The following RPS6KA6 variants were observed in gnomAD, a reference collection of about 807,000 sequenced individuals.
The protein encoded by RPS6KA6 is ribosomal protein S6 kinase A6, also known as ribosomal protein S6 kinase alpha-6.
A neutral mutation model predicts 65.4 loss-of-function variants in RPS6KA6; 27 were observed. The observed-to-expected ratio is 0.41, with a 90% confidence interval of 0.30 to 0.57. RPS6KA6 has a LOEUF of 0.57. RPS6KA6 is among the 20% of genes least tolerant of loss of function. The probability of loss-of-function intolerance (pLI) is 0.24; values close to 1 mark genes in which losing one functional copy is unlikely to be tolerated. For synonymous variants in RPS6KA6, 190 were observed against 184.2 expected, an observed-to-expected ratio of 1.03 and a Z score of -0.26; for missense variants, 486 against 555.6, an observed-to-expected ratio of 0.87 and a Z score of 1.26.
chrX:84,152,044 G>GAAGA (rs913995708), intron 3 of RPS6KA6, among the ~76,000 whole-genome samples: 2 of 111,211 alleles, frequency 1.8e-5, no homozygotes, highest in Non-Finnish European at 3.8e-5. Flanking sequence ...GGCAAGCAAG[G>GAAGA]AAGAAAGAAA....
At chrX:84,136,970 T>A (rs1308604436) in intron 6 of RPS6KA6, among the ~76,000 whole-genome samples, 2 of 111,973 alleles carry the variant, frequency 1.8e-5, no homozygotes, top group African/African-American at 3.2e-5. Context: ...TTCTGCCACA[T>A]GCTGTGATGC....
intron 2 of RPS6KA6, among the ~76,000 whole-genome samples, chrX:84,158,913 C>T (rs2035461388): frequency 9.0e-6 from 1 of 111,439 alleles, no homozygotes; most frequent in African/African-American, 3.3e-5. Flanking sequence ...AAAACGTAAG[C>T]ATGTGTATTT....
intron 20 of RPS6KA6, among the ~76,000 whole-genome samples, chrX:84,070,917 A>T (rs1602371324): frequency 9.8e-6 from 1 of 101,677 alleles, no homozygotes; most frequent in South Asian, 4.3e-4. Context: ...ACAACCAATT[A>T]AAAAAAAACA....
At chrX:84,087,698 G>A (rs897620890) in intron 20 of RPS6KA6, among the ~76,000 whole-genome samples, 1 of 111,343 alleles carries the variant, frequency 9.0e-6, no homozygotes, top group African/African-American at 3.3e-5. Context: ...TTTGAATGTT[G>A]GTCTTTCTTG....
At chrX:84,171,908 C>A (rs1379215025) in intron 1 of RPS6KA6, among the ~76,000 whole-genome samples, 3 of 111,069 alleles carry the variant, frequency 2.7e-5, no homozygotes, top group African/African-American at 9.9e-5. Context: ...GTTCAAATCC[C>A]ACTTATGAGT....
At chrX:84,184,829 CAAAAAAAAAAA>C (rs11445430) in intron 1 of RPS6KA6, among the ~76,000 whole-genome samples, 2 of 20,060 alleles carry the variant, frequency 1.0e-4, no homozygotes, top group African/African-American at 3.7e-4. Context: ...GACCCTGACT[CAAAAAAAAAAA>C]AAAAAAAAAA....
Position 84,059,127 on chromosome X carries a change from T to TC in RPS6KA6, c.*5149_*5150insG, listed in dbSNP as rs2033259264. On this transcript the variant is annotated 3_prime_UTR_variant, in exon 22 of 22. Transcript: ENST00000262752. Reference sequence around the variant, plus strand: ...GCTGTTTCTTTTCTTTTTTTTTTTTTTTTTTTTTTTTTTTTTTTGTGAGAC... The same window carrying TC: ...GCTGTTTCTTTTCTTTTTTTTTTTTTCTTTTTTTTTTTTTTTTTTGTGAGAC... 1 of 78,183 alleles carries TC rather than the reference T, an allele frequency of 1.3e-5. No individual in the cohort carries two copies. Among genetic ancestry groups the TC allele is most frequent in the Non-Finnish European group, 2.5e-5 (1 of 40,109 alleles). 6.4% of individuals were successfully genotyped at this position (78,183 alleles called of 1,213,427 possible).
At chrX:84,096,079 T>C (rs979939140) in intron 20 of RPS6KA6, 115 bp downstream of exon 20, 4 of 519,421 alleles carry the variant, frequency 7.7e-6, no homozygotes. Context: ...ATGTGTTAAT[T>C]CAAAACACTT....
At chrX:84,105,920 A>AT in intron 15 of RPS6KA6, 44 bp from the exon 16 acceptor site, 1 of 762,728 alleles carries the variant, frequency 1.3e-6, no homozygotes, top group South Asian at 2.6e-5. Context: ...CAAACAAATT[A>AT]TTTTGTCTAA....
At chrX:84,075,190 C>T (rs2033637531) in intron 20 of RPS6KA6, among the ~76,000 whole-genome samples, 1 of 111,306 alleles carries the variant, frequency 9.0e-6, no homozygotes, top group Non-Finnish European at 1.9e-5. Flanking sequence ...CAAGATTGCG[C>T]CACTGCACTC....
chrX:84,165,491 T>C (rs1440295307), intron 1 of RPS6KA6, among the ~76,000 whole-genome samples: 2 of 111,572 alleles, frequency 1.8e-5, no homozygotes, highest in African/African-American at 3.3e-5. Context: ...TTTCTACCTT[T>C]ATCTCCTGAA....
At chrX:84,066,818 C>G (rs2033415571) in intron 20 of RPS6KA6, among the ~76,000 whole-genome samples, 1 of 111,946 alleles carries the variant, frequency 8.9e-6, no homozygotes, top group Non-Finnish European at 1.9e-5. Context: ...ACCCCTGTGC[C>G]TCTTGACTGG....
intron 20 of RPS6KA6, among the ~76,000 whole-genome samples, chrX:84,072,503 A>T (rs976567752): frequency 3.6e-5 from 4 of 111,734 alleles, no homozygotes; most frequent in Non-Finnish European, 5.7e-5. Context: ...TAAGACAAAT[A>T]TGTCCACTTT....
At chrX:84,121,143 C>A (rs1644100751) in intron 8 of RPS6KA6, among the ~76,000 whole-genome samples, 1 of 112,367 alleles carries the variant, frequency 8.9e-6, no homozygotes, top group African/African-American at 3.2e-5. Context: ...GGAAGCGTTA[C>A]ATGAGCACAG....
intron 14 of RPS6KA6, 83 bp downstream of exon 14, chrX:84,106,827 T>A (rs1240590186): frequency 5.0e-6 from 4 of 798,055 alleles, no homozygotes; most frequent in Non-Finnish European, 5.2e-6. Flanking sequence ...AAAATCACTT[T>A]AAAAAAAACG....
chrX:84,136,456 T>C (rs1158835341), intron 6 of RPS6KA6, among the ~76,000 whole-genome samples: 1 of 111,342 alleles, frequency 9.0e-6, no homozygotes, highest in Non-Finnish European at 1.9e-5. Context: ...GATTGTTTAT[T>C]ATCTAAGTTT....
At chrX:84,105,264 C>A (rs1021455106) in intron 16 of RPS6KA6, among the ~76,000 whole-genome samples, 15 of 111,014 alleles carry the variant, frequency 1.4e-4, no homozygotes, top group African/African-American at 4.6e-4. Flanking sequence ...TGATAGTTGA[C>A]TTTTCTGTCT....
At chrX:84,088,351 C>CTT (rs1194721230) in intron 20 of RPS6KA6, among the ~76,000 whole-genome samples, 4 of 111,920 alleles carry the variant, frequency 3.6e-5, no homozygotes, top group Non-Finnish European at 7.5e-5. Context: ...GTTTGTTGTT[C>CTT]TTTTAAAAGT....
intron 10 of RPS6KA6, 23 bp from the exon 11 acceptor site, chrX:84,117,171 G>A (rs762982936): frequency 9.2e-7 from 1 of 1,091,318 alleles, no homozygotes; most frequent in Admixed American, 2.7e-5. Context: ...ATTTTAGAAA[G>A]TTTCACTTAA....
Sources: allele counts gnomAD v4.1 joint callset (sites outside exome capture counted in the v4.1 genomes callset), GRCh38; gene constraint gnomAD v4.1.1; transcripts MANE v1.5; gene names NCBI Gene and HGNC (gene_info 2026-07-23, HGNC 2026-07-21).